NCALD: variants seen among roughly 807,000 people sequenced by gnomAD.
NCALD encodes the protein neurocalcin-delta.
NCALD carries 10 observed loss-of-function variants against 18.6 expected under a neutral mutation model. That is an observed-to-expected ratio of 0.54 (90% confidence interval 0.33 to 0.91). NCALD has a LOEUF of 0.91. NCALD is among the 40% of genes least tolerant of loss of function. The pLI, the probability that NCALD is intolerant of heterozygous loss-of-function variation, is 0.03. For missense variants in NCALD, 184 were observed against 247.6 expected, an observed-to-expected ratio of 0.74 and a Z score of 1.72; for synonymous variants, 88 against 87.4, an observed-to-expected ratio of 1.01 and a Z score of -0.04.
At chr8:101,805,137 T>C (rs1048061596) in intron 4 of NCALD, among the ~76,000 whole-genome samples, 1 of 152,164 alleles carries the variant, frequency 6.6e-6, no homozygotes, top group Non-Finnish European at 1.5e-5. Context: ...TAAGGGCATA[T>C]AGACAATGCA....
intron 1 of NCALD, among the ~76,000 whole-genome samples, chr8:102,021,669 T>C (rs974116650): frequency 3.9e-5 from 6 of 152,270 alleles, no homozygotes; most frequent in African/African-American, 1.4e-4. Flanking sequence ...TTTCTGACCT[T>C]CCACTAGCCC....
chr8:102,024,291 T>C (rs1822380793), intron 1 of NCALD, among the ~76,000 whole-genome samples: 1 of 152,208 alleles, frequency 6.6e-6, no homozygotes, highest in African/African-American at 2.4e-5. Context: ...AATAAAGCAA[T>C]CTGTCAGTTG....
intron 1 of NCALD, among the ~76,000 whole-genome samples, chr8:101,762,006 G>A (rs1229158878): frequency 6.6e-6 from 1 of 152,218 alleles, no homozygotes; most frequent in Non-Finnish European, 1.5e-5. Context: ...GGCCCCTAAT[G>A]ACCTTGGGAG....
At chr8:101,900,271 G>T (rs1817371648) in intron 3 of NCALD, among the ~76,000 whole-genome samples, 1 of 151,738 alleles carries the variant, frequency 6.6e-6, no homozygotes, top group Admixed American at 6.6e-5. Context: ...GTTGCTGAAG[G>T]TTTATCAATT....
At position 101,848,714 on chromosome 8, in the gene NCALD, AT is replaced by A. The variant is rs1175147022; in HGVS notation, c.-20+38426del. Among the ~76,000 whole-genome samples the A allele has an allele frequency of 5.9e-5, 9 of 152,196 alleles. No individual in the cohort carries two copies. The South Asian group carries it at 1.7e-3, about 28-fold the overall frequency. On this transcript the variant is annotated intron_variant, in intron 4 of 6. Coordinates refer to the NCALD transcript ENST00000311028. ...GATAAGATTTACAATATTAACTTCAATTTTTTGCATGTATCTAGTAATAACA... is the reference window on the plus strand; with the variant it reads ...GATAAGATTTACAATATTAACTTCAATTTTTGCATGTATCTAGTAATAACA...
intron 1 of NCALD, among the ~76,000 whole-genome samples, chr8:101,782,812 A>G (rs1217416406): frequency 6.6e-6 from 1 of 152,170 alleles, no homozygotes; most frequent in Non-Finnish European, 1.5e-5. Context: ...CCTAACAGAG[A>G]TGTAAAGAGG....
At chr8:101,950,662 G>T (rs576908758) in intron 2 of NCALD, among the ~76,000 whole-genome samples, 2 of 152,322 alleles carry the variant, frequency 1.3e-5, no homozygotes, top group African/African-American at 2.4e-5. Flanking sequence ...CTGAGCTTGG[G>T]CTATAAAAGA....
chr8:102,047,001 G>A (rs564981297), intron 1 of NCALD, among the ~76,000 whole-genome samples: 28 of 152,198 alleles, frequency 1.8e-4, no homozygotes, highest in East Asian at 7.7e-4. Context: ...AGACCCCAGC[G>A]TCTGTTGTTT....
At chr8:102,045,099 T>C (rs933655116) in intron 1 of NCALD, among the ~76,000 whole-genome samples, 4 of 152,236 alleles carry the variant, frequency 2.6e-5, no homozygotes, top group African/African-American at 9.6e-5. Flanking sequence ...CTTTCTACAG[T>C]AATGCACTGC....
chr8:101,869,848 A>G (rs1815932236), intron 4 of NCALD, among the ~76,000 whole-genome samples: 1 of 152,246 alleles, frequency 6.6e-6, no homozygotes, highest in African/African-American at 2.4e-5. Flanking sequence ...AAAATCATTC[A>G]GGAGTGTGTT....
intron 2 of NCALD, among the ~76,000 whole-genome samples, chr8:101,963,911 T>A (rs1393332519): frequency 2.0e-5 from 3 of 152,162 alleles, no homozygotes; most frequent in Admixed American, 2.0e-4. Flanking sequence ...TGGTCTCCTC[T>A]ACTTCCACTG....
chr8:102,034,559 T>C (rs1180235856), intron 1 of NCALD, among the ~76,000 whole-genome samples: 1 of 152,216 alleles, frequency 6.6e-6, no homozygotes, highest in Admixed American at 6.5e-5. Flanking sequence ...GAAAGCAGCA[T>C]GACACATTTC....
intron 2 of NCALD, among the ~76,000 whole-genome samples, chr8:101,713,455 A>C (rs1210144182): frequency 2.8e-5 from 4 of 143,936 alleles, no homozygotes; most frequent in African/African-American, 1.1e-4. Context: ...ATAGAGACAC[A>C]AAAAAAAACC....
chr8:102,094,204 TA>T (rs1312425174), intron 1 of NCALD, among the ~76,000 whole-genome samples: 10 of 152,212 alleles, frequency 6.6e-5, no homozygotes, highest in Admixed American at 6.5e-4. Context: ...TTTTTACTTC[TA>T]AATTCTATTA....
chr8:101,938,223 T>C (rs1438338244), intron 2 of NCALD, among the ~76,000 whole-genome samples: 1 of 152,272 alleles, frequency 6.6e-6, no homozygotes, highest in South Asian at 2.1e-4. Flanking sequence ...ATTAGACTTC[T>C]GGTTGTAATG....
At chr8:101,806,387 T>G (rs762576241) in intron 4 of NCALD, among the ~76,000 whole-genome samples, 4 of 152,106 alleles carry the variant, frequency 2.6e-5, no homozygotes, top group Non-Finnish European at 5.9e-5. Context: ...TAGATGTATT[T>G]TAGAAAGATT....
At chr8:101,861,667 G>A (rs1815547789) in intron 4 of NCALD, among the ~76,000 whole-genome samples, 1 of 152,048 alleles carries the variant, frequency 6.6e-6, no homozygotes, top group African/African-American at 2.4e-5. Flanking sequence ...TGAATCATTA[G>A]ACAGCTCTGT....
At chr8:101,739,145 C>T (rs1810072144) in intron 1 of NCALD, among the ~76,000 whole-genome samples, 1 of 152,070 alleles carries the variant, frequency 6.6e-6, no homozygotes, top group South Asian at 2.1e-4. Context: ...CCTATGTCCT[C>T]ATAGTTTGGA....
chr8:101,822,526 A>G (rs76429371), intron 4 of NCALD, among the ~76,000 whole-genome samples: 7,168 of 152,206 alleles, frequency 0.047, 409 homozygotes, highest in African/African-American at 0.12. Flanking sequence ...ATCGGTGGGC[A>G]TGGAAAGGGC....
Sources: allele counts gnomAD v4.1 joint callset (sites outside exome capture counted in the v4.1 genomes callset), GRCh38; gene constraint gnomAD v4.1.1; transcripts MANE v1.5; gene names NCBI Gene and HGNC (gene_info 2026-07-23, HGNC 2026-07-21).